PIP5K1B: variants seen among roughly 807,000 people sequenced by gnomAD.
PIP5K1B encodes phosphatidylinositol-4-phosphate 5-kinase type 1 beta.
PIP5K1B carries 42 observed loss-of-function variants against 67.0 expected under a neutral mutation model. The observed-to-expected ratio is 0.63, with a 90% CI of 0.49 to 0.81. PIP5K1B has a LOEUF of 0.81. PIP5K1B is among the 30% of genes least tolerant of loss of function. PIP5K1B has a pLI of 0.00. For synonymous variants in PIP5K1B, 214 were observed against 231.4 expected, an observed-to-expected ratio of 0.92 and a Z score of 0.68; for missense variants, 459 against 646.3, an observed-to-expected ratio of 0.71 and a Z score of 3.14.
intron 2 of PIP5K1B, among the ~76,000 whole-genome samples, chr9:68,770,640 G>C (rs1311486122): frequency 6.6e-6 from 1 of 152,140 alleles, no homozygotes; most frequent in Non-Finnish European, 1.5e-5. Context: ...GGCAGCATTA[G>C]ATTCTCATAG....
At chr9:68,730,451 C>T (rs1828368954) in intron 1 of PIP5K1B, among the ~76,000 whole-genome samples, 1 of 152,090 alleles carries the variant, frequency 6.6e-6, no homozygotes, top group African/African-American at 2.4e-5. Flanking sequence ...AACATTCATT[C>T]CCAAAAAGTA....
chr9:68,967,440 G>C (rs1055711989), intron 14 of PIP5K1B, among the ~76,000 whole-genome samples: 4 of 152,178 alleles, frequency 2.6e-5, no homozygotes, highest in Non-Finnish European at 5.9e-5. Flanking sequence ...ATCAGATAGA[G>C]TTCTCTGCTT....
chr9:68,727,322 C>T (rs577663619), intron 1 of PIP5K1B, among the ~76,000 whole-genome samples: 1 of 152,120 alleles, frequency 6.6e-6, no homozygotes, highest in Non-Finnish European at 1.5e-5. Flanking sequence ...AAGAGTTGAT[C>T]ACTCTCACGA....
At chr9:68,764,227 T>C (rs1179142417) in intron 2 of PIP5K1B, among the ~76,000 whole-genome samples, 3 of 151,930 alleles carry the variant, frequency 2.0e-5, no homozygotes, top group Non-Finnish European at 4.4e-5. Flanking sequence ...CAACAATAAG[T>C]GGTCTCCATA....
At chr9:68,992,214 G>A (rs987809645) in intron 15 of PIP5K1B, among the ~76,000 whole-genome samples, 7 of 151,606 alleles carry the variant, frequency 4.6e-5, no homozygotes, top group Non-Finnish European at 8.8e-5. Flanking sequence ...TGCCCACCTT[G>A]GCCTCCCAAA....
rs1031081332 is a variant in PIP5K1B at position 68,940,586 on chromosome 9, G to A, written c.1358-60G>A. 4.0e-6 allele frequency: 6 copies of A among 1,493,902 alleles called. No homozygotes were observed. In the Admixed American group the frequency reaches 9.1e-5, roughly 23 times the overall value. The allele number at this position is 1,493,902 out of a possible 1,614,324, so 92.5% of individuals were successfully genotyped here. A position where few individuals can be genotyped will look rare whatever the true frequency, so the allele number is the denominator to read the frequency against. ...CTTTTGACTCATTTCAATTATTATA[G>A]ATACTAAAGCTGCATTTATCCTTGA... On this transcript the variant is annotated intron_variant, in intron 13 of 15. Coordinates refer to ENST00000265382, the MANE Select transcript of PIP5K1B (RefSeq NM_003558.4).
chr9:68,978,908 C>T (rs1030549127), intron 14 of PIP5K1B, among the ~76,000 whole-genome samples: 2 of 152,144 alleles, frequency 1.3e-5, no homozygotes, highest in African/African-American at 4.8e-5. Context: ...AAGCTTTCTA[C>T]GTTTAACTTT....
chr9:68,918,811 T>C (rs1449634590), intron 9 of PIP5K1B, among the ~76,000 whole-genome samples: 1 of 152,194 alleles, frequency 6.6e-6, no homozygotes, highest in Admixed American at 6.5e-5. Context: ...TGTCCAATAA[T>C]CAGTTAAATT....
intron 8 of PIP5K1B, among the ~76,000 whole-genome samples, chr9:68,912,740 A>AC (rs1170608646): frequency 2.0e-5 from 3 of 152,168 alleles, no homozygotes; most frequent in African/African-American, 7.2e-5. Context: ...AGACTGAACC[A>AC]CCCTGCAGCC....
chr9:68,850,398 G>T (rs538648672), intron 4 of PIP5K1B, among the ~76,000 whole-genome samples: 1 of 152,328 alleles, frequency 6.6e-6, no homozygotes, highest in South Asian at 2.1e-4. Flanking sequence ...TGTTTGTTGA[G>T]GGGGGCTGTT....
At chr9:68,781,015 T>G (rs1295311831) in intron 2 of PIP5K1B, 2 of 1,612,890 alleles carry the variant, frequency 1.2e-6, no homozygotes, top group Non-Finnish European at 1.7e-6. Context: ...CTAGATGAAC[T>G]TTCGTCTAAG....
At chr9:68,706,473 C>T (rs1392166341) in intron 1 of PIP5K1B, among the ~76,000 whole-genome samples, 1 of 152,204 alleles carries the variant, frequency 6.6e-6, no homozygotes, top group East Asian at 1.9e-4. Context: ...CCCCCCCAAC[C>T]CCCAGCTCTC....
In PIP5K1B at chr9:68,885,399, G is replaced by A. The variant is rs1435499165; in HGVS notation, c.319-3582G>A. ...CAGCTCTGGTGATCCATTGTACAGC[G>A]AGGTGAACACAGTTAATGTATATCT... On this transcript the variant is annotated intron_variant, in intron 6 of 15. Transcript: ENST00000265382. 2.0e-5 allele frequency among the ~76,000 whole-genome samples: 3 copies of A among 152,178 alleles called. No individual in the cohort carries two copies. The East Asian group carries it at 5.8e-4, about 29-fold the overall frequency.
intron 2 of PIP5K1B, among the ~76,000 whole-genome samples, chr9:68,776,786 C>G (rs939295797): frequency 2.0e-5 from 3 of 152,016 alleles, no homozygotes. Flanking sequence ...GGAGTGAAAC[C>G]GGAAGGGGGA....
intron 10 of PIP5K1B, 59 bp from the exon 11 acceptor site, chr9:68,919,622 A>G (rs1826267171): frequency 2.8e-6 from 4 of 1,421,514 alleles, no homozygotes; most frequent in Non-Finnish European, 4.0e-6. Flanking sequence ...AAGGTTCTGA[A>G]AAATCACCAA....
chr9:68,909,451 T>G (rs186491773), intron 8 of PIP5K1B, among the ~76,000 whole-genome samples: 427 of 152,228 alleles, frequency 2.8e-3, no homozygotes, highest in African/African-American at 9.7e-3. Context: ...ATTAAAAATA[T>G]TAATAATTCT....
chr9:68,846,462 T>A (rs1822196555), intron 4 of PIP5K1B, among the ~76,000 whole-genome samples: 2 of 152,210 alleles, frequency 1.3e-5, no homozygotes, highest in Admixed American at 6.5e-5. Flanking sequence ...ATTTTCCTCA[T>A]CCCTTCTTGA....
chr9:68,886,969 A>G (rs1341419397), intron 6 of PIP5K1B, among the ~76,000 whole-genome samples: 3 of 152,114 alleles, frequency 2.0e-5, no homozygotes, highest in Non-Finnish European at 4.4e-5. Context: ...CCTTGAGCCC[A>G]CCACATCTCA....
At chr9:68,892,255 A>G (rs1247239326) in intron 7 of PIP5K1B, among the ~76,000 whole-genome samples, 2 of 152,258 alleles carry the variant, frequency 1.3e-5, no homozygotes, top group African/African-American at 2.4e-5. Context: ...AAGTGAGAGC[A>G]AGTCTCATTT....
Sources: gnomAD v4.1 joint callset for allele counts (sites outside exome capture counted in the v4.1 genomes callset) on GRCh38, gnomAD v4.1.1 for gene constraint, MANE v1.5 for transcripts, NCBI Gene and HGNC (gene_info 2026-07-23, HGNC 2026-07-21) for gene names.